Variants in UNC13C observed in about 807,000 individuals in gnomAD.
UNC13C encodes protein unc-13 homolog C.
Under a neutral mutation model 245.4 loss-of-function variants are expected in UNC13C, and 174 were observed. The observed-to-expected ratio is 0.71, with a 90% CI of 0.63 to 0.80. UNC13C has a LOEUF of 0.80. Ranked by LOEUF, UNC13C falls within the 30% of genes least tolerant of loss-of-function variation. The pLI, the probability that UNC13C is intolerant of heterozygous loss-of-function variation, is 0.00. For synonymous variants in UNC13C, 992 were observed against 895.1 expected (o/e 1.11, Z -1.93); for missense variants, 2,829 against 2,602.9 (o/e 1.09, Z -1.89).
chr15:53,893,918 A>G, the UNC13C span, among the ~76,000 whole-genome samples: 5 of 152,208 alleles, frequency 3.3e-5, no homozygotes, highest in African/African-American at 9.6e-5. Context: ...AAACTTCTGC[A>G]GCTAGTTTGG....
At chr15:54,395,067 G>C (rs760499854) in intron 18 of UNC13C, among the ~76,000 whole-genome samples, 13 of 151,558 alleles carry the variant, frequency 8.6e-5, no homozygotes, top group Non-Finnish European at 1.8e-4. Flanking sequence ...ACCTGTCCCT[G>C]AAAAAACCAA....
chr15:54,241,639 C>T (rs553397836), intron 7 of UNC13C, among the ~76,000 whole-genome samples: 65 of 152,318 alleles, frequency 4.3e-4, no homozygotes, highest in African/African-American at 1.5e-3. Context: ...ATAATAGTTA[C>T]CTCACAGTTT....
At chr15:54,604,804 G>A (rs1448420649) in intron 30 of UNC13C, among the ~76,000 whole-genome samples, 1 of 152,198 alleles carries the variant, frequency 6.6e-6, no homozygotes, top group Non-Finnish European at 1.5e-5. Context: ...GAAAAGGAAT[G>A]CTGTCATAAT....
intron 10 of UNC13C, among the ~76,000 whole-genome samples, chr15:54,267,978 G>A (rs547542738): frequency 6.6e-6 from 1 of 151,322 alleles, no homozygotes; most frequent in Non-Finnish European, 1.5e-5. Context: ...TTAAGTTCTG[G>A]GATACATGTG....
chr15:54,055,645 G>A (rs1390510502), intron 2 of UNC13C, among the ~76,000 whole-genome samples: 1 of 152,112 alleles, frequency 6.6e-6, no homozygotes, highest in African/African-American at 2.4e-5. Context: ...TCTCCGGGTT[G>A]TTTCATAGAA....
At chr15:53,936,066 TAA>T in the UNC13C span, among the ~76,000 whole-genome samples, 1 of 152,172 alleles carries the variant, frequency 6.6e-6, no homozygotes, top group Non-Finnish European at 1.5e-5. Flanking sequence ...CCTCACAAGT[TAA>T]GACTCATTTG....
At chr15:54,472,818 G>A (rs75263782) in intron 19 of UNC13C, among the ~76,000 whole-genome samples, 2,656 of 151,804 alleles carry the variant, frequency 0.017, 35 homozygotes, top group Middle Eastern at 0.044. Flanking sequence ...TGCTTTCAAG[G>A]CTCTCTTTTT....
chr15:54,196,883 G>A (rs2034370326), intron 4 of UNC13C, among the ~76,000 whole-genome samples: 5 of 152,130 alleles, frequency 3.3e-5, no homozygotes, highest in Admixed American at 3.3e-4. Flanking sequence ...GTAAAAAACT[G>A]AAATATTTAC....
chr15:54,338,329 C>T (rs754209030), intron 16 of UNC13C, 32 bp from the exon 17 acceptor site: 1 of 1,598,368 alleles, frequency 6.3e-7, no homozygotes, highest in Non-Finnish European at 8.5e-7. Context: ...GTCACTGTTG[C>T]ATTTGAGAAA....
the UNC13C span, among the ~76,000 whole-genome samples, chr15:53,875,109 A>T: frequency 8.6e-5 from 7 of 81,164 alleles, no homozygotes; most frequent in Admixed American, 3.6e-4. Flanking sequence ...AAAAAAAAAT[A>T]TCTTATATGC....
At chr15:54,403,229 A>G (rs1001468514) in intron 18 of UNC13C, among the ~76,000 whole-genome samples, 6 of 152,024 alleles carry the variant, frequency 3.9e-5, no homozygotes, top group Middle Eastern at 3.2e-3. Context: ...AGGTATTTTC[A>G]TTGTCTTATG....
intron 19 of UNC13C, among the ~76,000 whole-genome samples, chr15:54,475,105 A>T (rs1478156065): frequency 6.6e-6 from 1 of 151,206 alleles, no homozygotes; most frequent in Non-Finnish European, 1.5e-5. Flanking sequence ...AAATTATATC[A>T]CTCTGATTTG....
At chr15:54,352,952 C>A (rs1300803103) in intron 17 of UNC13C, among the ~76,000 whole-genome samples, 1 of 152,100 alleles carries the variant, frequency 6.6e-6, no homozygotes, top group Non-Finnish European at 1.5e-5. Flanking sequence ...AAAATTCTAT[C>A]TTTGAGACGT....
intron 29 of UNC13C, among the ~76,000 whole-genome samples, chr15:54,560,081 G>A (rs1330251478): frequency 1.3e-5 from 2 of 151,966 alleles, no homozygotes; most frequent in African/African-American, 2.4e-5. Context: ...AACTTTAGTG[G>A]CTAACCTCTA....
chr15:54,367,708 G>C (rs1158567049), intron 17 of UNC13C, among the ~76,000 whole-genome samples: 2 of 152,054 alleles, frequency 1.3e-5, no homozygotes, highest in South Asian at 2.1e-4. Context: ...GTCCATTATA[G>C]CATCTAGTCT....
intron 4 of UNC13C, among the ~76,000 whole-genome samples, chr15:54,206,667 C>G (rs771495525): frequency 1.9e-4 from 29 of 152,142 alleles, no homozygotes; most frequent in Non-Finnish European, 3.7e-4. Flanking sequence ...CTAAACCAGA[C>G]AGTAAATTGT....
At chr15:54,188,969 G>C (rs191584449) in intron 4 of UNC13C, among the ~76,000 whole-genome samples, 1 of 152,090 alleles carries the variant, frequency 6.6e-6, no homozygotes, top group Non-Finnish European at 1.5e-5. Context: ...ACATAATACC[G>C]TTTTGGTAAA....
At chr15:54,403,840 A>G (rs1314953209) in intron 18 of UNC13C, among the ~76,000 whole-genome samples, 1 of 152,158 alleles carries the variant, frequency 6.6e-6, no homozygotes, top group Admixed American at 6.5e-5. Context: ...ACAGAAAGCA[A>G]AAAGATAAAA....
chr15:54,048,232 C>T (rs1325321946), intron 2 of UNC13C, among the ~76,000 whole-genome samples: 1 of 152,148 alleles, frequency 6.6e-6, no homozygotes, highest in East Asian at 1.9e-4. Flanking sequence ...TGTTCTCCTT[C>T]TTTTGTAATT....
Sources: allele counts gnomAD v4.1 joint callset (sites outside exome capture counted in the v4.1 genomes callset), GRCh38; gene constraint gnomAD v4.1.1; transcripts MANE v1.5; gene names NCBI Gene and HGNC (gene_info 2026-07-23, HGNC 2026-07-21).